Variants in POLR2B observed in about 807,000 individuals in gnomAD.
POLR2B encodes the protein DNA-directed RNA polymerase II subunit RPB2.
In POLR2B, 57 loss-of-function variants were observed where a neutral mutation model predicts 144.6. The observed-to-expected ratio is 0.39, with a 90% CI of 0.32 to 0.49. The LOEUF (loss-of-function observed/expected upper bound fraction) is 0.49. Ranked by LOEUF, POLR2B falls within the 20% of genes least tolerant of loss-of-function variation. The pLI is 0.83. For missense variants in POLR2B, 595 were observed against 1,467.4 expected, an observed-to-expected ratio of 0.41 and a Z score of 9.71; for synonymous variants, 442 against 469.8, an observed-to-expected ratio of 0.94 and a Z score of 0.77.
chr4:56,995,585 G>A (rs952137370), intron 6 of POLR2B, among the ~76,000 whole-genome samples, 176 bp downstream of exon 6: 2 of 152,124 alleles, frequency 1.3e-5, no homozygotes, highest in African/African-American at 4.8e-5. Context: ...ATCATCTCAC[G>A]GCTTCTGTGA....
chr4:57,014,111 T>G (rs540159082), intron 13 of POLR2B, among the ~76,000 whole-genome samples: 1 of 152,204 alleles, frequency 6.6e-6, no homozygotes, highest in Admixed American at 6.6e-5. Flanking sequence ...TTAAATTACT[T>G]TCTAAGGACA....
Position 56,996,527 on chromosome 4 carries a change from G to A in POLR2B, c.735+1118G>A, listed in dbSNP as rs866130255. Among the ~76,000 whole-genome samples the A allele has an allele frequency of 7.3e-5, 11 of 151,256 alleles. No homozygotes were observed. The South Asian group carries it at 1.9e-3, about 26-fold the overall frequency. Reference sequence around the variant, plus strand: ...TCTCGATCTCCTGACCTCGTGATCCGCCCGCCTCGGCCTCCAAAAGTGCTG... The same window carrying A: ...TCTCGATCTCCTGACCTCGTGATCCACCCGCCTCGGCCTCCAAAAGTGCTG... On this transcript the variant is annotated intron_variant, in intron 6 of 24. Transcript: ENST00000314595.
intron 23 of POLR2B, 38 bp from the exon 24 acceptor site, chr4:57,030,166 A>T: frequency 6.5e-7 from 1 of 1,529,458 alleles, no homozygotes; most frequent in Non-Finnish European, 9.0e-7. Flanking sequence ...TTTATAATAA[A>T]AAATAAGTAC....
chr4:57,016,562 G>T (rs56285301), intron 14 of POLR2B, among the ~76,000 whole-genome samples: 10,518 of 151,272 alleles, frequency 0.07, 581 homozygotes, highest in East Asian at 0.21. Context: ...TCTATTAATA[G>T]TAATAATGCG....
intron 10 of POLR2B, chr4:57,009,429 T>C (rs1175203969): frequency 6.6e-6 from 1 of 152,326 alleles, no homozygotes; most frequent in Non-Finnish European, 1.5e-5. Flanking sequence ...TGTTGTGCTC[T>C]TCTGTAGCCA....
intron 1 of POLR2B, 21 bp from the exon 2 acceptor site, chr4:56,986,333 A>G: frequency 6.8e-7 from 1 of 1,478,924 alleles, no homozygotes. Context: ...GCAAATGAGT[A>G]CAATATTTTT....
At chr4:57,010,934 T>C in intron 12 of POLR2B, 47 bp downstream of exon 12, 1 of 1,595,374 alleles carries the variant, frequency 6.3e-7, no homozygotes, top group Non-Finnish European at 8.6e-7. Flanking sequence ...TAATCTTTAG[T>C]TGTTGCTTAG....
At position 56,990,992 on chromosome 4, in the gene POLR2B, A is replaced by T. The variant is rs1318957979; in HGVS notation, c.243+94A>T. The T allele has an allele frequency of 7.8e-6, 8 of 1,024,226 alleles. No homozygotes were observed. In the African/African-American group the frequency reaches 9.9e-5, roughly 13 times the overall value. 63.4% of individuals were successfully genotyped at this position (1,024,226 alleles called of 1,614,324 possible). ...CCTGGCTTAAAGGTTAAAAAAAGTCAGTTGGAGCTTTTAGCAAAGTACTTA... is the reference window on the plus strand; with the variant it reads ...CCTGGCTTAAAGGTTAAAAAAAGTCTGTTGGAGCTTTTAGCAAAGTACTTA... On this transcript the variant is annotated intron_variant, in intron 3 of 24. Coordinates refer to ENST00000314595, the MANE Select transcript of POLR2B (RefSeq NM_000938.3).
chr4:57,004,565 A>G (rs146497570), intron 7 of POLR2B, among the ~76,000 whole-genome samples: 290 of 152,322 alleles, frequency 1.9e-3, no homozygotes, highest in African/African-American at 6.5e-3. Flanking sequence ...ACTGAAAACA[A>G]TCTGGCACAT....
At chr4:57,014,350 C>T (rs1001850157) in intron 13 of POLR2B, among the ~76,000 whole-genome samples, 9 of 151,422 alleles carry the variant, frequency 5.9e-5, no homozygotes, top group African/African-American at 2.2e-4. Flanking sequence ...CACACCACCA[C>T]GCCCAGATAA....
At chr4:57,021,541 C>T (rs913663512) in intron 17 of POLR2B, among the ~76,000 whole-genome samples, 3 of 134,828 alleles carry the variant, frequency 2.2e-5, no homozygotes, top group African/African-American at 8.5e-5. Flanking sequence ...GACTGGAATG[C>T]AGTGGTGCAA....
intron 1 of POLR2B, among the ~76,000 whole-genome samples, chr4:56,983,583 G>A (rs527372914): frequency 6.6e-6 from 1 of 151,954 alleles, no homozygotes; most frequent in Non-Finnish European, 1.5e-5. Flanking sequence ...TGCTGGCCAG[G>A]CTGCTCTCAA....
intron 23 of POLR2B, among the ~76,000 whole-genome samples, chr4:57,025,868 T>C (rs995617690): frequency 3.9e-5 from 6 of 152,142 alleles, no homozygotes; most frequent in African/African-American, 1.4e-4. Context: ...AAGTCCTTTT[T>C]TGAATTTATT....
intron 14 of POLR2B, 102 bp downstream of exon 14, chr4:57,015,758 T>G (rs554573646): frequency 4.0e-5 from 13 of 324,350 alleles, no homozygotes; most frequent in African/African-American, 1.8e-4. Flanking sequence ...TTATTTAATT[T>G]TATTTATTTA....
At chr4:57,001,751 T>A (rs576037006) in intron 7 of POLR2B, among the ~76,000 whole-genome samples, 2 of 152,330 alleles carry the variant, frequency 1.3e-5, no homozygotes, top group South Asian at 4.1e-4. Flanking sequence ...GGGAACCTTT[T>A]ATGGGAAGGA....
intron 6 of POLR2B, among the ~76,000 whole-genome samples, chr4:56,998,568 G>C (rs1227783388): frequency 6.6e-6 from 1 of 152,058 alleles, no homozygotes. Context: ...ATGTTGCCCA[G>C]GTTGGTCTTG....
rs754561696 is a variant in POLR2B, at chr4:56,994,397, A to G, written c.244-7A>G. The stretch of plus-strand genomic sequence containing the variant: ...TACCCTTTTCATGTTTTTTTGTTTA[A>G]TTTCAGCCACGATATTTGCTGAAGT... On this transcript the variant is annotated splice_polypyrimidine_tract_variant and splice_region_variant and intron_variant, in intron 3 of 24. Transcript: ENST00000314595. 1 of 1,484,640 alleles carries G rather than the reference A, an allele frequency of 6.7e-7. No individual in the cohort carries two copies. Among genetic ancestry groups the G allele is most frequent in the Non-Finnish European group, 9.3e-7 (1 of 1,071,860 alleles). The allele number at this position is 1,484,640 out of a possible 1,614,324, so 92.0% of individuals were successfully genotyped here. A position where few individuals can be genotyped will look rare whatever the true frequency, so the allele number is the denominator to read the frequency against.
chr4:56,979,355 C>T (rs1319815560), intron 1 of POLR2B, among the ~76,000 whole-genome samples: 1 of 147,036 alleles, frequency 6.8e-6, no homozygotes, highest in African/African-American at 2.5e-5. Context: ...AAGCCACAGT[C>T]GACTTAACGA....
intron 1 of POLR2B, 199 bp from the exon 2 acceptor site, chr4:56,986,155 C>T (rs1317660307): frequency 8.7e-6 from 5 of 577,498 alleles, no homozygotes; most frequent in Non-Finnish European, 1.5e-5. Context: ...TAATAAACCT[C>T]TTTTTATATT....
Sources: allele counts gnomAD v4.1 joint callset (sites outside exome capture counted in the v4.1 genomes callset), GRCh38; gene constraint gnomAD v4.1.1; transcripts MANE v1.5; gene names NCBI Gene and HGNC (gene_info 2026-07-23, HGNC 2026-07-21).